Variants in WIF1 observed in about 807,000 individuals in gnomAD.
The protein encoded by WIF1 is Wnt inhibitory factor 1.
In WIF1, 35 loss-of-function variants were observed where a neutral mutation model predicts 53.5. That is an observed-to-expected ratio of 0.65 (90% confidence interval 0.50 to 0.87). The LOEUF (loss-of-function observed/expected upper bound fraction) is 0.87. Ranked by LOEUF, WIF1 falls within the 40% of genes least tolerant of loss-of-function variation. The pLI is 0.00. For synonymous variants in WIF1, 171 were observed against 170.4 expected, an observed-to-expected ratio of 1.00 and a Z score of -0.03; for missense variants, 467 against 476.8, an observed-to-expected ratio of 0.98 and a Z score of 0.19.
At chr12:65,094,145 A>C (rs7488195) in intron 2 of WIF1, among the ~76,000 whole-genome samples, 147,927 of 152,224 alleles carry the variant, frequency 0.97, 71,929 homozygotes, top group East Asian at 1. Context: ...GCCTTGAACT[A>C]TTCAAACCCC....
At position 65,121,078 on chromosome 12, in the gene WIF1, T is replaced by C. The variant is rs372272897; in HGVS notation, c.114A>G (p.Leu38=). 8.1e-5 allele frequency: 125 copies of C among 1,543,124 alleles called. No individual in the cohort carries two copies. The highest frequency in any genetic ancestry group is 1.0e-4 in the Non-Finnish European group (118 of 1,142,652). Residue 38 remains leucine (L), a synonymous_variant, in exon 1 of 10, where the codon CTA becomes CTG. Transcript: ENST00000286574. ...AGPPQEESLY[L]WIDAHQARVL... is the part of the protein sequence containing the mutation. Reference sequence around the variant, plus strand: ...CTCTTGCCTGGTGAGCATCGATCCATAGGTACAGGCTCTCCTCCTGCGGCG... The same window carrying C: ...CTCTTGCCTGGTGAGCATCGATCCACAGGTACAGGCTCTCCTCCTGCGGCG...
chr12:65,072,361 A>G (rs954589663), intron 3 of WIF1, among the ~76,000 whole-genome samples: 9 of 152,154 alleles, frequency 5.9e-5, no homozygotes, highest in African/African-American at 2.2e-4. Flanking sequence ...CCCCTTGCCT[A>G]TATAATTACA....
At chr12:65,064,219 G>C (rs1882654712) in intron 6 of WIF1, among the ~76,000 whole-genome samples, 1 of 152,244 alleles carries the variant, frequency 6.6e-6, no homozygotes, top group Admixed American at 6.5e-5. Context: ...GAACCTGGTA[G>C]CTTCATAGAA....
intron 2 of WIF1, among the ~76,000 whole-genome samples, chr12:65,082,286 T>C (rs1048072788): frequency 5.3e-5 from 8 of 152,132 alleles, no homozygotes; most frequent in Non-Finnish European, 1.0e-4. Context: ...TTTCCACAAA[T>C]TGTAGATTTA....
At chr12:65,071,497 T>A (rs969458208) in intron 3 of WIF1, among the ~76,000 whole-genome samples, 1 of 152,146 alleles carries the variant, frequency 6.6e-6, no homozygotes, top group South Asian at 2.1e-4. Flanking sequence ...AGAAATGATA[T>A]CCCTAAAAAT....
At chr12:65,055,088 T>C in intron 9 of WIF1, 30 bp downstream of exon 9, 1 of 1,602,368 alleles carries the variant, frequency 6.2e-7, no homozygotes, top group Non-Finnish European at 8.5e-7. Flanking sequence ...TTTTTTTCCT[T>C]GTTTACAACT....
intron 2 of WIF1, among the ~76,000 whole-genome samples, chr12:65,078,139 C>T (rs917845015): frequency 1.4e-4 from 22 of 152,044 alleles, no homozygotes; most frequent in Admixed American, 2.6e-4. Flanking sequence ...AGTGCAGTGG[C>T]GCAATCTCAG....
At chr12:65,055,696 A>C (rs1882513420) in intron 8 of WIF1, among the ~76,000 whole-genome samples, 1 of 152,150 alleles carries the variant, frequency 6.6e-6, no homozygotes, top group East Asian at 1.9e-4. Context: ...AATCGCTTAC[A>C]CCTGGGGGGC....
chr12:65,053,585 T>C (rs1190392410), intron 9 of WIF1, among the ~76,000 whole-genome samples: 1 of 152,222 alleles, frequency 6.6e-6, no homozygotes, highest in Non-Finnish European at 1.5e-5. Flanking sequence ...GTAAGTTTCC[T>C]GAGGCCTCCC....
At chr12:65,083,437 A>G (rs1199859078) in intron 2 of WIF1, among the ~76,000 whole-genome samples, 1 of 152,190 alleles carries the variant, frequency 6.6e-6, no homozygotes, top group African/African-American at 2.4e-5. Flanking sequence ...AAAGCTCATT[A>G]TCTTTGGACT....
intron 7 of WIF1, among the ~76,000 whole-genome samples, chr12:65,058,159 C>G (rs1470283370): frequency 6.6e-6 from 1 of 151,942 alleles, no homozygotes; most frequent in Non-Finnish European, 1.5e-5. Context: ...CAGCTCTCAC[C>G]AAAAAGAAGG....
chr12:65,057,802 G>A (rs914957662), intron 7 of WIF1, among the ~76,000 whole-genome samples: 4 of 152,108 alleles, frequency 2.6e-5, no homozygotes, highest in African/African-American at 7.2e-5. Context: ...TTACTGACAA[G>A]TACTATTCTT....
At position 65,055,050 on chromosome 12, in the gene WIF1, T is replaced by G. The variant is rs1882502101; in HGVS notation, c.1018+68A>C. ...CCGAAGTGAAAAGGCTGGCCCTTCT[T>G]CTGGTCTCCCACTCACTTTTATTTT... On this transcript the variant is annotated intron_variant, in intron 9 of 9. Transcript: ENST00000286574. 2.8e-5 allele frequency: 43 copies of G among 1,527,054 alleles called. No individual in the cohort carries two copies. In the South Asian group the frequency reaches 5.1e-4, roughly 18 times the overall value. The allele number at this position is 1,527,054 out of a possible 1,614,324, so 94.6% of individuals were successfully genotyped here. A position where few individuals can be genotyped will look rare whatever the true frequency, so the allele number is the denominator to read the frequency against.
chr12:65,114,448 G>A (rs1883479502), intron 2 of WIF1, among the ~76,000 whole-genome samples: 1 of 152,092 alleles, frequency 6.6e-6, no homozygotes, highest in African/African-American at 2.4e-5. Flanking sequence ...TCACTTTAAA[G>A]GTGAATTTGG....
intron 7 of WIF1, 152 bp from the exon 8 acceptor site, chr12:65,056,278 TGAGTTTTG>T: frequency 1.6e-6 from 1 of 626,932 alleles, no homozygotes; most frequent in Non-Finnish European, 2.6e-6. Context: ...TTTTTTTTTT[TGAGTTTTG>T]TTTTTGGAAC....
At chr12:65,107,080 G>T (rs1156819011) in intron 2 of WIF1, among the ~76,000 whole-genome samples, 2 of 152,088 alleles carry the variant, frequency 1.3e-5, no homozygotes, top group Non-Finnish European at 1.5e-5. Context: ...TCACAAATGG[G>T]CTTCTGTTAC....
intron 3 of WIF1, among the ~76,000 whole-genome samples, chr12:65,075,580 C>G (rs930907612): frequency 6.6e-6 from 1 of 152,152 alleles, no homozygotes. Flanking sequence ...AATTCAACTT[C>G]TCATGTAAGA....
At chr12:65,085,528 C>T (rs948218204) in intron 2 of WIF1, among the ~76,000 whole-genome samples, 1 of 152,188 alleles carries the variant, frequency 6.6e-6, no homozygotes, top group African/African-American at 2.4e-5. Context: ...TCCCTGCCTG[C>T]TTTTGAAACT....
intron 2 of WIF1, among the ~76,000 whole-genome samples, chr12:65,102,410 CAGG>C (rs1249405325): frequency 6.6e-6 from 1 of 152,160 alleles, no homozygotes; most frequent in Non-Finnish European, 1.5e-5. Context: ...GGCAGTCAAG[CAGG>C]AGTTCTCTCT....
Sources: gnomAD v4.1 joint callset for allele counts (sites outside exome capture counted in the v4.1 genomes callset) on GRCh38, gnomAD v4.1.1 for gene constraint, MANE v1.5 for transcripts, NCBI Gene and HGNC (gene_info 2026-07-23, HGNC 2026-07-21) for gene names.